FHIP1A: variants seen among roughly 807,000 people sequenced by gnomAD.
The protein encoded by FHIP1A is FHF complex subunit HOOK interacting protein 1A.
FHIP1A carries 61 observed loss-of-function variants against 88.6 expected under a neutral mutation model. The observed-to-expected ratio is 0.69, with a 90% confidence interval of 0.56 to 0.85. The LOEUF is 0.85. Among genes scored for constraint, FHIP1A ranks in the 40% least tolerant of loss-of-function variants. The pLI, the probability that FHIP1A is intolerant of heterozygous loss-of-function variation, is 0.00. For missense variants in FHIP1A, 1,154 were observed against 1,273.5 expected, an observed-to-expected ratio of 0.91 and a Z score of 1.43; for synonymous variants, 478 against 496.0, an observed-to-expected ratio of 0.96 and a Z score of 0.48.
At chr4:151,611,632 A>C (rs923454522) in intron 7 of FHIP1A, among the ~76,000 whole-genome samples, 2 of 152,226 alleles carry the variant, frequency 1.3e-5, no homozygotes, top group Admixed American at 6.5e-5. Context: ...TAAATGCTTT[A>C]ATACAACTAG....
chr4:151,645,729 A>C (rs747970163), intron 9 of FHIP1A, among the ~76,000 whole-genome samples: 1 of 151,580 alleles, frequency 6.6e-6, no homozygotes, highest in Non-Finnish European at 1.5e-5. Context: ...AATAAGCAGT[A>C]TGTTTTTTTT....
intron 13 of FHIP1A, among the ~76,000 whole-genome samples, chr4:151,661,297 G>A (rs1354260544): frequency 6.6e-6 from 1 of 151,994 alleles, no homozygotes; most frequent in African/African-American, 2.4e-5. Flanking sequence ...ATGAATTTCT[G>A]CTGAAAGGTA....
At chr4:151,504,894 AGGAGGGAGCCGCCGCGCCCAGCCTG>A (rs1014900064) in intron 3 of FHIP1A, among the ~76,000 whole-genome samples, 2 of 152,200 alleles carry the variant, frequency 1.3e-5, no homozygotes, top group African/African-American at 2.4e-5. Flanking sequence ...CTAGGATTAT[AGGAGGGAGCCGCCGCGCCCAGCCTG>A]GGAAGAAATT....
chr4:151,612,597 G>C (rs1735366996), intron 7 of FHIP1A, among the ~76,000 whole-genome samples: 1 of 152,150 alleles, frequency 6.6e-6, no homozygotes, highest in Non-Finnish European at 1.5e-5. Flanking sequence ...GACCAGGCTG[G>C]TCTCAAACTC....
rs566291641 is a variant in FHIP1A, at chr4:151,568,606, A to C, written c.105+2242A>C. ...TGTCGCTGTAGGCATCACACGTGGG[A>C]CTTGAGAATGTATAAGCCTTGGTCT... On this transcript the variant is annotated intron_variant, in intron 4 of 13. Coordinates refer to ENST00000435205, the MANE Select transcript of FHIP1A (RefSeq NM_001109977.3). 7.9e-5 allele frequency among the ~76,000 whole-genome samples: 12 copies of C among 152,298 alleles called. No homozygotes were observed. In the South Asian group the frequency reaches 2.5e-3, roughly 32 times the overall value.
At chr4:151,446,317 C>G (rs1428147194) in intron 1 of FHIP1A, among the ~76,000 whole-genome samples, 6 of 152,068 alleles carry the variant, frequency 3.9e-5, no homozygotes, top group Non-Finnish European at 7.4e-5. Context: ...GGCTACTAAC[C>G]TTTCATGCTT....
In FHIP1A at chr4:151,566,291, T is replaced by G; in HGVS notation, c.32T>G (p.Leu11Arg). 6.4e-7 allele frequency: 1 copy of G among 1,550,664 alleles called. No individual in the cohort carries two copies. The change falls in exon 4 of 14, where the codon CTC becomes CGC. Residue 11 changes from leucine to arginine, a missense_variant. Leu to Arg is a moderately radical substitution (Grantham distance 102). Transcript: ENST00000435205. ...TCATCGGTTTCGACAGAAAGCAAAC[T>G]CCAGCAGGCTGTGAGCCTACAGGGA... MMSSVSTESK[L>R]QQAVSLQGVD... is the part of the protein sequence containing the mutation.
chr4:151,461,318 G>A lies in FHIP1A; in HGVS notation c.-248+6510G>A, dbSNP rs538462818. On this transcript the variant is annotated intron_variant, in intron 2 of 13. Transcript: ENST00000435205. ...ATACATACATGCATCTCTGGGAATA[G>A]GAGAGGGCCAGGTTTCCCAGCAAAT... is the stretch of plus-strand genomic sequence containing the variant. Among the ~76,000 whole-genome samples, 15 of 152,298 alleles carry A rather than the reference G, an allele frequency of 9.8e-5. No individual in the cohort carries two copies. The South Asian group carries it at 1.7e-3, about 17-fold the overall frequency.
At chr4:151,644,012 A>G (rs1279238327) in intron 9 of FHIP1A, among the ~76,000 whole-genome samples, 1 of 152,270 alleles carries the variant, frequency 6.6e-6, no homozygotes, top group African/African-American at 2.4e-5. Context: ...AACAAAGAAT[A>G]AAAATCTATG....
chr4:151,595,703 G>A (rs1387016764), intron 7 of FHIP1A, among the ~76,000 whole-genome samples: 5 of 152,170 alleles, frequency 3.3e-5, no homozygotes, highest in African/African-American at 4.8e-5. Flanking sequence ...GTGAATCTGG[G>A]TACTACTTTA....
intron 2 of FHIP1A, among the ~76,000 whole-genome samples, chr4:151,455,841 G>C (rs185774616): frequency 2.4e-4 from 36 of 152,326 alleles, no homozygotes; most frequent in Non-Finnish European, 4.3e-4. Flanking sequence ...GGAGTCTGCT[G>C]TTTGTTGAGA....
In FHIP1A at chr4:151,566,187, G is replaced by A; in HGVS notation, c.-73G>A. 5.8e-6 allele frequency: 5 copies of A among 865,748 alleles called. No homozygotes were observed. Among genetic ancestry groups the A allele is most frequent in the Non-Finnish European group, 8.8e-6 (5 of 568,200 alleles). 53.6% of individuals were successfully genotyped at this position (865,748 alleles called of 1,614,324 possible). A position where few individuals can be genotyped will look rare whatever the true frequency, so the allele number is the denominator to read the frequency against. ...TGAAGAAGTTACATTTCTCAAACTT[G>A]AAAGTTAGTGACGGCTTACCAAATT... On this transcript the variant is annotated 5_prime_UTR_variant, in exon 4 of 14. Transcript: ENST00000435205.
At chr4:151,429,142 T>C (rs1733496551) in intron 1 of FHIP1A, among the ~76,000 whole-genome samples, 1 of 152,060 alleles carries the variant, frequency 6.6e-6, no homozygotes, top group Non-Finnish European at 1.5e-5. Flanking sequence ...TATGTATCTT[T>C]TTTTCCCATT....
intron 3 of FHIP1A, among the ~76,000 whole-genome samples, chr4:151,530,936 C>G (rs1054328945): frequency 2.5e-5 from 2 of 79,924 alleles, no homozygotes; most frequent in African/African-American, 1.5e-4. Context: ...ATAATTGCCA[C>G]ATTTCTTTCT....
intron 11 of FHIP1A, among the ~76,000 whole-genome samples, chr4:151,655,631 C>T (rs555653556): frequency 6.6e-6 from 1 of 152,276 alleles, no homozygotes; most frequent in East Asian, 1.9e-4. Context: ...CCACCTCTCA[C>T]CTATTTTTTT....
chr4:151,419,120 T>C (rs927427144), intron 1 of FHIP1A, among the ~76,000 whole-genome samples: 1 of 152,136 alleles, frequency 6.6e-6, no homozygotes, highest in African/African-American at 2.4e-5. Context: ...TGTGAGAGGA[T>C]TTCTGGATGA....
At chr4:151,607,679 G>C (rs1735124794) in intron 7 of FHIP1A, among the ~76,000 whole-genome samples, 1 of 152,178 alleles carries the variant, frequency 6.6e-6, no homozygotes, top group African/African-American at 2.4e-5. Flanking sequence ...CCTGTGGCAG[G>C]TATTCTCATT....
At chr4:151,611,050 A>G (rs1022866422) in intron 7 of FHIP1A, among the ~76,000 whole-genome samples, 2 of 152,080 alleles carry the variant, frequency 1.3e-5, no homozygotes, top group Non-Finnish European at 2.9e-5. Flanking sequence ...GAATGTAGAT[A>G]TGGTAACTAG....
At chr4:151,652,158 C>T (rs571340996) in intron 11 of FHIP1A, among the ~76,000 whole-genome samples, 1 of 151,878 alleles carries the variant, frequency 6.6e-6, no homozygotes, top group South Asian at 2.1e-4. Context: ...AAGTATAGCT[C>T]AGGGCAAGGA....
Sources: allele counts gnomAD v4.1 joint callset (sites outside exome capture counted in the v4.1 genomes callset), GRCh38; gene constraint gnomAD v4.1.1; transcripts MANE v1.5; gene names NCBI Gene and HGNC (gene_info 2026-07-23, HGNC 2026-07-21).